AP3B1: variants seen among roughly 807,000 people sequenced by gnomAD.
AP3B1 encodes adaptor related protein complex 3 subunit beta 1, also known as AP-3 complex subunit beta-1.
In AP3B1, 61 loss-of-function variants were observed where a neutral mutation model predicts 132.5. The ratio of observed to expected loss-of-function variants is 0.46; its 90% confidence interval spans 0.37 to 0.57. The LOEUF (loss-of-function observed/expected upper bound fraction) is 0.57, where lower values mean the gene tolerates loss of function less well. Among genes scored for constraint, AP3B1 ranks in the 20% least tolerant of loss-of-function variants. The pLI, the probability that AP3B1 is intolerant of heterozygous loss-of-function variation, is 0.00. For synonymous variants in AP3B1, 388 were observed against 438.3 expected, an observed-to-expected ratio of 0.89 and a Z score of 1.43; for missense variants, 1,120 against 1,289.4, an observed-to-expected ratio of 0.87 and a Z score of 2.01.
At chr5:78,133,826 T>C (rs1298909629) in intron 15 of AP3B1, among the ~76,000 whole-genome samples, 2 of 152,176 alleles carry the variant, frequency 1.3e-5, no homozygotes, top group African/African-American at 4.8e-5. Context: ...GGAACCATTA[T>C]TGGTACCAAC....
At chr5:78,215,213 T>C (rs917936613) in intron 7 of AP3B1, among the ~76,000 whole-genome samples, 1 of 152,058 alleles carries the variant, frequency 6.6e-6, no homozygotes, top group African/African-American at 2.4e-5. Flanking sequence ...AAAATCTTTT[T>C]TTTTTTTACA....
chr5:78,222,903 A>C (rs1374503379), intron 6 of AP3B1, among the ~76,000 whole-genome samples: 6 of 152,056 alleles, frequency 3.9e-5, no homozygotes, highest in Non-Finnish European at 8.8e-5. Flanking sequence ...TGTATACCCC[A>C]CAGAGGTACA....
At chr5:78,097,214 C>G (rs1315883547) in intron 21 of AP3B1, among the ~76,000 whole-genome samples, 4 of 125,924 alleles carry the variant, frequency 3.2e-5, no homozygotes, top group South Asian at 2.4e-4. Flanking sequence ...GCCCGGCCAG[C>G]CACCCCGTCC....
chr5:78,154,170 T>C (rs903527435), intron 14 of AP3B1, among the ~76,000 whole-genome samples: 1 of 152,210 alleles, frequency 6.6e-6, no homozygotes, highest in Non-Finnish European at 1.5e-5. Context: ...CAGCTTTTGT[T>C]TGTCTGGGAA....
chr5:78,089,169 A>C (rs957346139), intron 22 of AP3B1: 3 of 469,708 alleles, frequency 6.4e-6, no homozygotes, highest in African/African-American at 5.9e-5. Flanking sequence ...CCAGAGAAAA[A>C]CATACAGATG....
intron 1 of AP3B1, among the ~76,000 whole-genome samples, chr5:78,283,480 C>A (rs2112588363): frequency 6.6e-6 from 1 of 152,306 alleles, no homozygotes. Flanking sequence ...AGTTCCAATT[C>A]TCCTACTCTC....
intron 21 of AP3B1, among the ~76,000 whole-genome samples, chr5:78,098,710 A>G (rs994374784): frequency 3.3e-5 from 5 of 152,312 alleles, no homozygotes; most frequent in Admixed American, 1.3e-4. Context: ...ATATGCCCTT[A>G]TATGTTTTAT....
At chr5:78,185,863 C>T (rs1225936304) in intron 7 of AP3B1, among the ~76,000 whole-genome samples, 2 of 151,794 alleles carry the variant, frequency 1.3e-5, no homozygotes, top group African/African-American at 2.4e-5. Flanking sequence ...GAGTGAGACC[C>T]TATCTCTAAA....
At chr5:78,206,497 T>TC (rs1745509258) in intron 7 of AP3B1, among the ~76,000 whole-genome samples, 1 of 152,136 alleles carries the variant, frequency 6.6e-6, no homozygotes, top group African/African-American at 2.4e-5. Context: ...GTTGATTACC[T>TC]CCAACAGCCA....
chr5:78,201,145 A>G (rs969535166), intron 7 of AP3B1, among the ~76,000 whole-genome samples: 4 of 152,140 alleles, frequency 2.6e-5, no homozygotes, highest in Admixed American at 2.6e-4. Context: ...GAACTGTGAG[A>G]AAATAAATTT....
intron 7 of AP3B1, among the ~76,000 whole-genome samples, chr5:78,200,488 T>C (rs1303220490): frequency 6.6e-6 from 1 of 152,040 alleles, no homozygotes; most frequent in African/African-American, 2.4e-5. Flanking sequence ...TGAAACCCCA[T>C]CTCTACTAAA....
At chr5:78,177,532 C>A in intron 8 of AP3B1, 96 bp from the exon 9 acceptor site, 2 of 932,504 alleles carry the variant, frequency 2.1e-6, no homozygotes, top group African/African-American at 1.6e-5. Flanking sequence ...CTAAGTCCTA[C>A]AAATTCCTGT....
chr5:78,110,828 G>A lies in AP3B1; in HGVS notation c.2250-474C>T, dbSNP rs567765994. On this transcript the variant is annotated intron_variant, in intron 19 of 26. Transcript: ENST00000255194. Reference sequence around the variant, plus strand: ...TCTCATTGTACAGTGGTGCAATCACGGCTCACTGCAGCCTTGACCTCCCGG... The same window carrying A: ...TCTCATTGTACAGTGGTGCAATCACAGCTCACTGCAGCCTTGACCTCCCGG... 1.1e-4 allele frequency among the ~76,000 whole-genome samples: 17 copies of A among 150,704 alleles called. 1 individual carries two copies. The highest frequency in any genetic ancestry group is 3.2e-4 in the African/African-American group (13 of 41,254).
At position 78,175,742 on chromosome 5, in the gene AP3B1, T is replaced by C. The variant is rs750540321; in HGVS notation, c.1095+42A>G. 5 of 1,606,988 alleles carry C rather than the reference T, an allele frequency of 3.1e-6. No homozygotes were observed. In the African/African-American group the frequency reaches 5.3e-5, roughly 17 times the overall value. On this transcript the variant is annotated intron_variant, in intron 10 of 26. Coordinates refer to ENST00000255194, the MANE Select transcript of AP3B1 (RefSeq NM_003664.5). Reference sequence around the variant, plus strand: ...ACAAAAATACATTATGGTACTAATGTGTTCATGTGTCTCTTAAATTACGTG... The same window carrying C: ...ACAAAAATACATTATGGTACTAATGCGTTCATGTGTCTCTTAAATTACGTG...
At chr5:78,078,558 A>G (rs1199078671) in intron 22 of AP3B1, among the ~76,000 whole-genome samples, 2 of 152,168 alleles carry the variant, frequency 1.3e-5, no homozygotes, top group African/African-American at 4.8e-5. Flanking sequence ...TCATCTGGCC[A>G]TTCCCTGGGC....
chr5:78,036,653 T>C lies in AP3B1; in HGVS notation c.2810-2208A>G, dbSNP rs149515724. Among the ~76,000 whole-genome samples, 799 of 152,232 alleles carry C rather than the reference T, an allele frequency of 5.2e-3. 4 individuals are homozygous for C. The highest frequency in any genetic ancestry group is 0.018 in the African/African-American group (765 of 41,536). On this transcript the variant is annotated intron_variant, in intron 23 of 26. Coordinates refer to ENST00000255194, the MANE Select transcript of AP3B1 (RefSeq NM_003664.5). Reference sequence around the variant, plus strand: ...TGGAATATTATTCCTAATATTCTTGTAAGGAATACAGTTTCATGCCAAACA... The same window carrying C: ...TGGAATATTATTCCTAATATTCTTGCAAGGAATACAGTTTCATGCCAAACA...
intron 6 of AP3B1, among the ~76,000 whole-genome samples, chr5:78,219,146 A>C (rs1002839924): frequency 2.0e-5 from 3 of 152,136 alleles, no homozygotes; most frequent in African/African-American, 7.2e-5. Context: ...ATTTTATGTC[A>C]TCAAAAATAT....
intron 25 of AP3B1, among the ~76,000 whole-genome samples, chr5:78,017,927 A>G (rs1050935505): frequency 1.5e-4 from 23 of 152,024 alleles, no homozygotes; most frequent in Non-Finnish European, 2.8e-4. Flanking sequence ...TAAAAGGCAA[A>G]CCAAATAACA....
At chr5:78,259,246 C>CAAAA (rs58069551) in intron 2 of AP3B1, among the ~76,000 whole-genome samples, 1 of 114,668 alleles carries the variant, frequency 8.7e-6, no homozygotes, top group African/African-American at 3.5e-5. Flanking sequence ...GACTCCATCT[C>CAAAA]AAAAAAAAAA....
Sources: gnomAD v4.1 joint callset for allele counts (sites outside exome capture counted in the v4.1 genomes callset) on GRCh38, gnomAD v4.1.1 for gene constraint, MANE v1.5 for transcripts, NCBI Gene and HGNC (gene_info 2026-07-23, HGNC 2026-07-21) for gene names.